The following PODNL1 variants were observed in gnomAD, a reference collection of about 807,000 sequenced individuals.
The protein encoded by PODNL1 is podocan like 1.
A neutral mutation model predicts 45.1 loss-of-function variants in PODNL1; 50 were observed. That is an observed-to-expected ratio of 1.11 (90% confidence interval 0.88 to 1.40). PODNL1 has a LOEUF of 1.40. Among genes scored for constraint, PODNL1 ranks in the 40% most tolerant of loss-of-function variants. PODNL1 has a pLI of 0.00. For missense variants in PODNL1, 788 were observed against 793.3 expected (o/e 0.99, Z 0.08); for synonymous variants, 406 against 372.5 (o/e 1.09, Z -1.04).
intron 1 of PODNL1, among the ~76,000 whole-genome samples, chr19:13,951,292 T>C (rs1162970530): frequency 6.7e-6 from 1 of 150,012 alleles, no homozygotes; most frequent in Non-Finnish European, 1.5e-5. Context: ...CAAAAAAAAT[T>C]TTTTTAATGA....
At chr19:13,932,528 T>C (rs1972019079) in intron 8 of PODNL1, 1 of 821,122 alleles carries the variant, frequency 1.2e-6, no homozygotes, top group Admixed American at 3.0e-5. Context: ...CGCTTGGCTA[T>C]GTTTTTTTGG....
At chr19:13,952,328 C>G (rs919921007) in intron 1 of PODNL1, among the ~76,000 whole-genome samples, 1 of 152,200 alleles carries the variant, frequency 6.6e-6, no homozygotes, top group Non-Finnish European at 1.5e-5. Context: ...AATACGGCAA[C>G]GGGCCGCGGG....
At chr19:13,938,130 G>A (rs180763870) in intron 1 of PODNL1, 49 bp downstream of exon 1, 22 of 1,547,998 alleles carry the variant, frequency 1.4e-5, no homozygotes, top group African/African-American at 1.1e-4. Context: ...GAGCAGGGGT[G>A]GGGGGGCAGG....
At chr19:13,948,215 T>C (rs1052876864) in intron 1 of PODNL1, among the ~76,000 whole-genome samples, 1 of 151,062 alleles carries the variant, frequency 6.6e-6, no homozygotes, top group Non-Finnish European at 1.5e-5. Flanking sequence ...TTTTTTTTTT[T>C]TGAGACGGAG....
chr19:13,933,980 G>C lies in PODNL1; in HGVS notation c.665C>G (p.Ser222Cys). 1 of 1,607,436 alleles carries C rather than the reference G, an allele frequency of 6.2e-7. No individual in the cohort carries two copies. The highest frequency in any genetic ancestry group is 8.5e-7 in the Non-Finnish European group (1 of 1,177,004). ...ERLHLQNNLI[S>C]KVPRGALSRQ... The stretch of plus-strand genomic sequence containing the variant: ...GCTCAGGGCTCCTCGGGGCACCTTG[G>C]AGATGAGATTGTTCTGGAGAAGGAA... Residue 222 changes from serine to cysteine, a missense_variant, in exon 7 of 10, where the codon TCC (serine) becomes TGC (cysteine). Ser to Cys is a moderately radical substitution (Grantham distance 112). Transcript: ENST00000588872. This position sits in a 1 kb window ranked among gnomAD's most constrained non-coding sequence, Gnocchi z 5.2.
chr19:13,952,912 C>T (rs1221087118), intron 1 of PODNL1: 2 of 829,718 alleles, frequency 2.4e-6, no homozygotes, highest in East Asian at 3.1e-5. Flanking sequence ...GGAGGGGGCT[C>T]GGAGGGAGGC....
Position 13,935,845 on chromosome 19 carries a change from C to G in PODNL1, c.385-15G>C. Reference sequence around the variant, plus strand: ...GCCACTGAGAGCTGTGGGGACACAGCCCACAGCCGGACTGGTCCTGGTGCG... The same window carrying G: ...GCCACTGAGAGCTGTGGGGACACAGGCCACAGCCGGACTGGTCCTGGTGCG... On this transcript the variant is annotated splice_polypyrimidine_tract_variant and intron_variant, in intron 4 of 9. Transcript: ENST00000588872. 1 of 1,597,322 alleles carries G rather than the reference C, an allele frequency of 6.3e-7. No individual in the cohort carries two copies. The highest frequency in any genetic ancestry group is 2.2e-5 in the East Asian group (1 of 44,514).
intron 8 of PODNL1, chr19:13,932,425 G>A (rs528535810): frequency 4.2e-5 from 24 of 567,912 alleles, no homozygotes; most frequent in African/African-American, 4.2e-4. Flanking sequence ...GCAGTGGCCC[G>A]ATCACGGCTC....
intron 1 of PODNL1, among the ~76,000 whole-genome samples, chr19:13,949,903 C>T (rs1245954933): frequency 1.3e-5 from 2 of 151,994 alleles, no homozygotes; most frequent in Non-Finnish European, 2.9e-5. Flanking sequence ...CTCTGTCACC[C>T]AGGCTGCAGT....
Position 13,934,278 on chromosome 19 carries a change from G to C in PODNL1, c.627C>G (p.Pro209=), listed in dbSNP as rs1178181523. Residue 209 remains proline, a synonymous_variant, in exon 6 of 10, where the codon CCC becomes CCG. Transcript: ENST00000588872. ...CCTGCAGGTGGAGCCGCTCGAGTGAGGGCGGCAGGCTGGGCGGCAGGTAGC... is the reference window on the plus strand; with the variant it reads ...CCTGCAGGTGGAGCCGCTCGAGTGACGGCGGCAGGCTGGGCGGCAGGTAGC... ...QLSYLPPSLP[P]SLERLHLQNN... 3 of 1,530,022 alleles carry C rather than the reference G, an allele frequency of 2.0e-6. No homozygotes were observed. In the African/African-American group the frequency reaches 4.1e-5, roughly 21 times the overall value. The allele number at this position is 1,530,022 out of a possible 1,614,324, so 94.8% of individuals were successfully genotyped here.
At chr19:13,946,565 A>G (rs922011762) in intron 1 of PODNL1, among the ~76,000 whole-genome samples, 17 of 152,144 alleles carry the variant, frequency 1.1e-4, no homozygotes, top group Admixed American at 1.0e-3. Context: ...CTGGTCTCCA[A>G]AGTTGGGTGT....
intron 3 of PODNL1, 122 bp downstream of exon 3, chr19:13,936,245 C>A: frequency 9.1e-7 from 1 of 1,095,122 alleles, no homozygotes; most frequent in Non-Finnish European, 1.4e-6. Flanking sequence ...TCCTGCTCAG[C>A]AAAGGGCAGT....
upstream of PODNL1, chr19:13,938,503 T>C: frequency 8.4e-7 from 1 of 1,186,338 alleles, no homozygotes; most frequent in Non-Finnish European, 1.0e-6. Flanking sequence ...ACAAGGAATG[T>C]TTGGGGAAAA....
Position 13,933,458 on chromosome 19 carries a change from G to A in PODNL1, c.768-3C>T. 6.4e-7 allele frequency: 1 copy of A among 1,556,020 alleles called. No individual in the cohort carries two copies. On this transcript the variant is annotated splice_region_variant and splice_polypyrimidine_tract_variant and intron_variant, in intron 7 of 9. Coordinates refer to ENST00000588872, the MANE Select transcript of PODNL1 (RefSeq NM_001370095.3). The surrounding 1 kb of genome is among the most constrained non-coding windows in gnomAD (Gnocchi z 5.2). Reference sequence around the variant, plus strand: ...GGTATTCAAGGCTATGCAGCTTGCTGGAAGGAGAGAGGGTCGGTGTTAGGT... The same window carrying A: ...GGTATTCAAGGCTATGCAGCTTGCTAGAAGGAGAGAGGGTCGGTGTTAGGT...
chr19:13,931,621 C>T lies in PODNL1; in HGVS notation c.*116G>A. On this transcript the variant is annotated 3_prime_UTR_variant, in exon 10 of 10. Transcript: ENST00000588872. The stretch of plus-strand genomic sequence containing the variant: ...TCGGCCAGTGGCAGGCAGAGCAGGC[C>T]CAGCCCTGGAGGCCCAGGAGAGCCA... 9.0e-7 allele frequency: 1 copy of T among 1,112,360 alleles called. No homozygotes were observed. Among genetic ancestry groups the T allele is most frequent in the Non-Finnish European group, 1.1e-6 (1 of 879,990 alleles). The allele number at this position is 1,112,360 out of a possible 1,614,324, so 68.9% of individuals were successfully genotyped here.
chr19:13,934,156 G>T, intron 6 of PODNL1, 98 bp downstream of exon 6: 1 of 1,396,882 alleles, frequency 7.2e-7, no homozygotes. Context: ...GGCATTCTGA[G>T]GGGCAATTGA....
Position 13,932,961 on chromosome 19 carries a change from G to A in PODNL1, c.1262C>T (p.Pro421Leu). 6.4e-7 allele frequency: 1 copy of A among 1,558,920 alleles called. No individual in the cohort carries two copies. Among genetic ancestry groups the A allele is most frequent in the Non-Finnish European group, 8.6e-7 (1 of 1,157,374 alleles). ...NQLTRLPMGLPTGLRTLQLQR... is the reference protein window; with the variant it reads ...NQLTRLPMGLLTGLRTLQLQR... ...CAGCTGCAGGGTGCGCAGGCCAGTG[G>A]GCAGGCCCATGGGCAGCCGGGTTAG... Residue 421 changes from proline to leucine, a missense_variant, in exon 8 of 10, where the codon CCC (proline) becomes CTC (leucine). By Grantham distance (98) the Pro-to-Leu change is moderately conservative (BLOSUM62 -3). Coordinates refer to ENST00000588872, the MANE Select transcript of PODNL1 (RefSeq NM_001370095.3).
At chr19:13,936,264 C>T in intron 3 of PODNL1, 103 bp downstream of exon 3, 1 of 1,213,808 alleles carries the variant, frequency 8.2e-7, no homozygotes, top group Non-Finnish European at 1.2e-6. Context: ...GTTCTGGGAA[C>T]TGCCACAGAG....
In PODNL1 at chr19:13,933,014, C is replaced by T; in HGVS notation, c.1209G>A (p.Leu403=). The T allele has an allele frequency of 6.5e-7, 1 of 1,540,802 alleles. No individual in the cohort carries two copies. The highest frequency in any genetic ancestry group is 8.7e-7 in the Non-Finnish European group (1 of 1,148,884). Residue 403 remains leucine, a synonymous_variant, in exon 8 of 10, where the codon CTG becomes CTA. Transcript: ENST00000588872. The surrounding 1 kb of genome is among the most constrained non-coding windows in gnomAD (Gnocchi z 5.2). ...HHRAFRRLRA[L]RSLDLAGNQL... is the part of the protein sequence containing the mutation. The stretch of plus-strand genomic sequence containing the variant: ...GATTCCCTGCCAGGTCGAGGCTGCG[C>T]AGGGCACGCAACCGGCGGAAGGCCC...
Sources: allele counts gnomAD v4.1 joint callset (sites outside exome capture counted in the v4.1 genomes callset), GRCh38; gene constraint gnomAD v4.1.1; non-coding constraint Gnocchi (gnomAD v3.1); transcripts MANE v1.5; gene names NCBI Gene and HGNC (gene_info 2026-07-23, HGNC 2026-07-21).